Variants in DAAM1 observed in about 807,000 individuals in gnomAD.
The protein encoded by DAAM1 is disheveled-associated activator of morphogenesis 1.
In DAAM1, 52 loss-of-function variants were observed where a neutral mutation model predicts 130.0. The observed-to-expected ratio is 0.40, with a 90% CI of 0.32 to 0.50. DAAM1 has a LOEUF of 0.50. Ranked by LOEUF, DAAM1 falls within the 20% of genes least tolerant of loss-of-function variation. DAAM1 has a pLI of 0.61. For synonymous variants in DAAM1, 452 were observed against 444.5 expected (o/e 1.02, Z -0.21); for missense variants, 1,134 against 1,303.8 (o/e 0.87, Z 2.01).
rs1370984311 is a variant in DAAM1, at chr14:59,347,612, A to C, written c.2149A>C (p.Met717Leu). The part of the protein sequence containing the change: ...MDEQEDLPKD[M>L]LEQLLKFVPE... ...CGAACAGGAAGATCTGCCCAAGGAC[A>C]TGTTGGAACAGGTGAGCTACCAGAT... is the stretch of plus-strand genomic sequence containing the variant. The change falls in exon 17 of 25, where the codon ATG becomes CTG. Residue 717 changes from methionine (M) to leucine (L), a missense_variant. Transcript: ENST00000360909. 1.2e-6 allele frequency: 2 copies of C among 1,613,778 alleles called. No individual in the cohort carries two copies.
intron 1 of DAAM1, among the ~76,000 whole-genome samples, chr14:59,254,176 G>A (rs569810742): frequency 6.6e-6 from 1 of 152,136 alleles, no homozygotes; most frequent in African/African-American, 2.4e-5. Context: ...CTGACTTTAG[G>A]GGTCATTACA....
chr14:59,363,830 T>G, intron 23 of DAAM1, 48 bp downstream of exon 23: 1 of 1,606,964 alleles, frequency 6.2e-7, no homozygotes, highest in Non-Finnish European at 8.5e-7. Flanking sequence ...GGGCTGGGCT[T>G]CAGTGTGATA....
chr14:59,325,456 A>AT (rs1885170153), intron 8 of DAAM1, among the ~76,000 whole-genome samples: 1 of 152,024 alleles, frequency 6.6e-6, no homozygotes, highest in Non-Finnish European at 1.5e-5. Context: ...AGACTTTTAA[A>AT]TTTTTCTCAT....
chr14:59,310,756 G>C (rs1884555586), intron 3 of DAAM1, among the ~76,000 whole-genome samples: 1 of 152,164 alleles, frequency 6.6e-6, no homozygotes, highest in South Asian at 2.1e-4. Context: ...CAGTTAAAGA[G>C]TGTGTCTTTC....
chr14:59,350,399 A>G (rs1594842798), intron 17 of DAAM1, among the ~76,000 whole-genome samples: 1 of 151,850 alleles, frequency 6.6e-6, no homozygotes, highest in South Asian at 2.1e-4. Context: ...TATACCACAC[A>G]TACACACCTA....
chr14:59,306,705 A>G (rs955123143), intron 3 of DAAM1, among the ~76,000 whole-genome samples: 5 of 151,882 alleles, frequency 3.3e-5, no homozygotes, highest in South Asian at 2.1e-4. Context: ...TTTTTAATCA[A>G]TAATGCAGGA....
chr14:59,210,807 T>C (rs888276670), intron 1 of DAAM1, among the ~76,000 whole-genome samples: 125 of 152,354 alleles, frequency 8.2e-4, no homozygotes, highest in African/African-American at 2.8e-3. Context: ...GTTTTTCCAC[T>C]GGACTAAACT....
chr14:59,278,322 G>A (rs2349139), intron 2 of DAAM1, among the ~76,000 whole-genome samples: 1 of 152,032 alleles, frequency 6.6e-6, no homozygotes, highest in African/African-American at 2.4e-5. Context: ...GGATGCTGAT[G>A]GTTAGATATT....
intron 3 of DAAM1, among the ~76,000 whole-genome samples, chr14:59,298,710 T>A (rs1884051150): frequency 6.6e-6 from 1 of 152,248 alleles, no homozygotes; most frequent in African/African-American, 2.4e-5. Flanking sequence ...TAGGTTATAG[T>A]CTAACAAAAG....
chr14:59,306,239 G>T (rs575466717), intron 3 of DAAM1, among the ~76,000 whole-genome samples: 7 of 152,292 alleles, frequency 4.6e-5, no homozygotes, highest in South Asian at 4.1e-4. Flanking sequence ...GTAAGTCTAG[G>T]AACTGCTAAG....
rs72238797 is a variant in DAAM1 at position 59,369,753 on chromosome 14, T to TAAAAAAAAAA, written c.*909_*918dup. 1 of 95,654 alleles carries TAAAAAAAAAA rather than the reference T, an allele frequency of 1.0e-5. No homozygotes were observed. Among genetic ancestry groups the TAAAAAAAAAA allele is most frequent in the Non-Finnish European group, 2.0e-5 (1 of 50,398 alleles). 5.9% of individuals were successfully genotyped at this position (95,654 alleles called of 1,614,324 possible). On this transcript the variant is annotated 3_prime_UTR_variant, in exon 25 of 25. Coordinates refer to ENST00000360909, the MANE Select transcript of DAAM1 (RefSeq NM_001270520.2). ...AATTCTCTGAAGGGATAAAGATTAC[T>TAAAAAAAAAA]AAAAAAAAAAAAAAAAAAAAAAAAT...
At chr14:59,264,942 T>G (rs1167914184) in intron 2 of DAAM1, 1 of 152,198 alleles carries the variant, frequency 6.6e-6, no homozygotes, top group Non-Finnish European at 1.5e-5. Context: ...TGTTCATGCA[T>G]TAGTTTGCTG....
intron 16 of DAAM1, among the ~76,000 whole-genome samples, chr14:59,343,431 A>G (rs942581199): frequency 5.3e-5 from 8 of 152,134 alleles, no homozygotes; most frequent in African/African-American, 1.9e-4. Flanking sequence ...CTATGTCAGC[A>G]TTTCCTACCT....
At chr14:59,223,480 G>C (rs1888841431) in intron 1 of DAAM1, among the ~76,000 whole-genome samples, 4 of 152,318 alleles carry the variant, frequency 2.6e-5, no homozygotes, top group African/African-American at 9.6e-5. Flanking sequence ...TCATTTGTAG[G>C]ATCCTGCTGA....
chr14:59,242,445 C>T (rs912825092), intron 1 of DAAM1, among the ~76,000 whole-genome samples: 1 of 152,200 alleles, frequency 6.6e-6, no homozygotes, highest in East Asian at 1.9e-4. Flanking sequence ...TCAAGTCACT[C>T]CATCCCCTGG....
At chr14:59,308,287 A>C (rs147978474) in intron 3 of DAAM1, among the ~76,000 whole-genome samples, 51 of 152,316 alleles carry the variant, frequency 3.3e-4, no homozygotes, top group Admixed American at 3.3e-3. Flanking sequence ...TTTGTTTATG[A>C]ATTGAGGAAG....
intron 1 of DAAM1, among the ~76,000 whole-genome samples, chr14:59,207,687 GA>G (rs1888305805): frequency 6.6e-6 from 1 of 152,284 alleles, no homozygotes; most frequent in African/African-American, 2.4e-5. Flanking sequence ...CGAACACACT[GA>G]AAAGTCCTCT....
At chr14:59,213,803 A>G (rs368810447) in intron 1 of DAAM1, among the ~76,000 whole-genome samples, 1 of 152,074 alleles carries the variant, frequency 6.6e-6, no homozygotes, top group African/African-American at 2.4e-5. Context: ...CAGTCGGAAG[A>G]CAGTTTATTT....
chr14:59,248,409 A>G (rs966082820), intron 1 of DAAM1, among the ~76,000 whole-genome samples: 2 of 152,168 alleles, frequency 1.3e-5, no homozygotes, highest in Admixed American at 1.3e-4. Context: ...ATTAAAATTC[A>G]GTAAAGATCT....
Sources: allele counts gnomAD v4.1 joint callset (sites outside exome capture counted in the v4.1 genomes callset), GRCh38; gene constraint gnomAD v4.1.1; transcripts MANE v1.5; gene names NCBI Gene and HGNC (gene_info 2026-07-23, HGNC 2026-07-21).